Variants in PTPRT observed in about 807,000 individuals in gnomAD.
The protein encoded by PTPRT is protein tyrosine phosphatase receptor type T, also known as receptor-type tyrosine-protein phosphatase T.
In PTPRT, 56 loss-of-function variants were observed where a neutral mutation model predicts 176.8. The observed-to-expected ratio is 0.32, with a 90% CI of 0.26 to 0.40. The LOEUF (loss-of-function observed/expected upper bound fraction) is 0.40, where lower values mean the gene tolerates loss of function less well. Among genes scored for constraint, PTPRT ranks in the 10% least tolerant of loss-of-function variants. PTPRT has a pLI of 1.00. For synonymous variants in PTPRT, 783 were observed against 739.0 expected (o/e 1.06, Z -0.96); for missense variants, 1,540 against 1,908.2 (o/e 0.81, Z 3.60).
intron 1 of PTPRT, among the ~76,000 whole-genome samples, chr20:43,140,433 A>T (rs2013965607): frequency 6.7e-6 from 1 of 148,972 alleles, no homozygotes; most frequent in African/African-American, 2.5e-5. Context: ...GAGTTAGCAA[A>T]CCTCTGGGTA....
At chr20:42,522,619 C>A (rs748523227) in intron 7 of PTPRT, among the ~76,000 whole-genome samples, 3 of 152,060 alleles carry the variant, frequency 2.0e-5, no homozygotes, top group Non-Finnish European at 4.4e-5. Context: ...TGCCACCACA[C>A]CCAGCTAAGT....
Position 42,418,737 on chromosome 20 carries a change from A to AC in PTPRT, c.1560+29482dup, listed in dbSNP as rs148469687. On this transcript the variant is annotated intron_variant, in intron 9 of 30. Coordinates refer to ENST00000373187, the MANE Select transcript of PTPRT (RefSeq NM_007050.6). ...GAGAGGGGTAGGGTATTCAGCCAGG[A>AC]CCATAGGGGCCGGGTCATGTTATGG... Among the ~76,000 whole-genome samples the AC allele has an allele frequency of 4.5e-3, 678 of 152,188 alleles. 5 individuals carry two copies. Among genetic ancestry groups the AC allele is most frequent in the African/African-American group, 0.016 (653 of 41,520 alleles).
chr20:42,746,700 C>T (rs6030456), intron 6 of PTPRT, among the ~76,000 whole-genome samples: 28,246 of 151,850 alleles, frequency 0.19, 2,635 homozygotes, highest in Non-Finnish European at 0.2. Flanking sequence ...ACCAAAGCAC[C>T]AGCATATTTT....
At position 42,162,872 on chromosome 20, in the gene PTPRT, G is replaced by T. The variant is rs145766290; in HGVS notation, c.2492-1330C>A. On this transcript the variant is annotated intron_variant, in intron 16 of 30. Coordinates refer to ENST00000373187, the MANE Select transcript of PTPRT (RefSeq NM_007050.6). ...TGTGTGAATGCACACTCTACTTCTC[G>T]GCAGCAGCATCGGCAAGCCTGTTCC... Among the ~76,000 whole-genome samples, 304 of 152,256 alleles carry T rather than the reference G, an allele frequency of 2.0e-3. 3 individuals carry two copies. Among genetic ancestry groups the T allele is most frequent in the African/African-American group, 6.9e-3 (285 of 41,562 alleles).
At chr20:42,354,105 A>G (rs1025460108) in intron 9 of PTPRT, among the ~76,000 whole-genome samples, 3 of 152,160 alleles carry the variant, frequency 2.0e-5, no homozygotes, top group African/African-American at 4.8e-5. Context: ...ACAGAAAAGC[A>G]TAACTCTTGA....
chr20:42,485,246 C>T (rs1227765479), intron 7 of PTPRT, among the ~76,000 whole-genome samples: 2 of 152,164 alleles, frequency 1.3e-5, no homozygotes. Context: ...CCCATAACAT[C>T]TGGGTTAGTT....
At chr20:42,873,790 CA>C (rs1446960635) in intron 2 of PTPRT, among the ~76,000 whole-genome samples, 5 of 152,120 alleles carry the variant, frequency 3.3e-5, no homozygotes, top group African/African-American at 1.2e-4. Flanking sequence ...TTAGATATGG[CA>C]AATGGGACCT....
At chr20:42,993,558 A>G (rs1984068359) in intron 1 of PTPRT, among the ~76,000 whole-genome samples, 1 of 146,402 alleles carries the variant, frequency 6.8e-6, no homozygotes, top group Admixed American at 6.8e-5. Context: ...ATATACACAT[A>G]TATGTGTGTG....
Position 42,425,948 on chromosome 20 carries a change from CAT to C in PTPRT, c.1560+22270_1560+22271del, listed in dbSNP as rs998736118. On this transcript the variant is annotated intron_variant, in intron 9 of 30. Coordinates refer to ENST00000373187, the MANE Select transcript of PTPRT (RefSeq NM_007050.6). ...AATAAGCAGTTTGGTGCTGCCAGAACATAGAGGTGGAAAAAGCAGATGATCAG... is the reference window on the plus strand; with the variant it reads ...AATAAGCAGTTTGGTGCTGCCAGAACAGAGGTGGAAAAAGCAGATGATCAG... Among the ~76,000 whole-genome samples, 14 of 152,194 alleles carry C rather than the reference CAT, an allele frequency of 9.2e-5. No individual in the cohort carries two copies. In the Middle Eastern group the frequency reaches 0.01, roughly 111 times the overall value.
intron 9 of PTPRT, among the ~76,000 whole-genome samples, chr20:42,361,112 A>G (rs1189316705): frequency 6.6e-6 from 1 of 152,088 alleles, no homozygotes; most frequent in Non-Finnish European, 1.5e-5. Context: ...AGAGGGGCTG[A>G]TTGAGGGGAG....
chr20:42,220,292 G>T (rs1004530084), intron 15 of PTPRT, among the ~76,000 whole-genome samples: 1 of 152,216 alleles, frequency 6.6e-6, no homozygotes, highest in Non-Finnish European at 1.5e-5. Flanking sequence ...ACTCAGTATT[G>T]TTAAGAGGTC....
chr20:42,460,512 G>A (rs1222815205), intron 8 of PTPRT, among the ~76,000 whole-genome samples: 1 of 152,082 alleles, frequency 6.6e-6, no homozygotes, highest in East Asian at 1.9e-4. Flanking sequence ...GGGCCAATAA[G>A]GTTGGGATGT....
At chr20:43,052,599 G>A (rs1361113822) in intron 1 of PTPRT, among the ~76,000 whole-genome samples, 2 of 152,140 alleles carry the variant, frequency 1.3e-5, no homozygotes, top group African/African-American at 2.4e-5. Context: ...TATAGGATGA[G>A]GTCATTCTAT....
At chr20:42,772,577 A>T (rs1327935797) in intron 4 of PTPRT, among the ~76,000 whole-genome samples, 1 of 152,230 alleles carries the variant, frequency 6.6e-6, no homozygotes, top group South Asian at 2.1e-4. Flanking sequence ...TAATAACAAC[A>T]GTAACAGCTC....
chr20:42,957,419 C>A (rs1177093286), intron 1 of PTPRT, among the ~76,000 whole-genome samples: 2 of 152,082 alleles, frequency 1.3e-5, no homozygotes, highest in Non-Finnish European at 2.9e-5. Context: ...CACTGTATTT[C>A]TTTTTGAAAG....
chr20:42,994,660 C>T (rs1984128781), intron 1 of PTPRT, among the ~76,000 whole-genome samples: 2 of 152,072 alleles, frequency 1.3e-5, no homozygotes, highest in Non-Finnish European at 2.9e-5. Flanking sequence ...AATGTTATAA[C>T]CAATATGAAT....
intron 8 of PTPRT, among the ~76,000 whole-genome samples, chr20:42,450,355 C>T (rs1220054753): frequency 1.3e-5 from 2 of 152,214 alleles, no homozygotes; most frequent in Non-Finnish European, 2.9e-5. Context: ...GACTCCCCAA[C>T]AGAAGACTAT....
intron 11 of PTPRT, among the ~76,000 whole-genome samples, chr20:42,323,868 A>T (rs1351590304): frequency 2.0e-5 from 3 of 152,194 alleles, no homozygotes; most frequent in Admixed American, 6.5e-5. Flanking sequence ...AAGACAGACA[A>T]CCAGTGTTTG....
chr20:42,720,498 T>C (rs1308140544), intron 6 of PTPRT, among the ~76,000 whole-genome samples: 1 of 152,070 alleles, frequency 6.6e-6, no homozygotes, highest in Non-Finnish European at 1.5e-5. Context: ...GATTCCGAAA[T>C]AAGAGTTAAA....
Sources: allele counts gnomAD v4.1 joint callset (sites outside exome capture counted in the v4.1 genomes callset), GRCh38; gene constraint gnomAD v4.1.1; transcripts MANE v1.5; gene names NCBI Gene and HGNC (gene_info 2026-07-23, HGNC 2026-07-21).